Variants in MLXIP observed in about 807,000 individuals in gnomAD.
MLXIP encodes MLX-interacting protein.
A neutral mutation model predicts 87.2 loss-of-function variants in MLXIP; 30 were observed. The observed-to-expected ratio is 0.34, with a 90% CI of 0.26 to 0.47. The LOEUF is 0.47. MLXIP is among the 20% of genes least tolerant of loss of function. The pLI, the probability that MLXIP is intolerant of heterozygous loss-of-function variation, is 1.00. For synonymous variants in MLXIP, 530 were observed against 514.0 expected, an observed-to-expected ratio of 1.03 and a Z score of -0.42; for missense variants, 1,002 against 1,240.1, an observed-to-expected ratio of 0.81 and a Z score of 2.88.
At chr12:122,125,055 A>G (rs958472501) in intron 1 of MLXIP, among the ~76,000 whole-genome samples, 1 of 152,234 alleles carries the variant, frequency 6.6e-6, no homozygotes, top group Admixed American at 6.5e-5. Context: ...AATCCCAGCT[A>G]TACAGGAGGC....
Position 122,141,710 on chromosome 12 carries a change from G to A in MLXIP, c.2658G>A (p.Arg886=). ...TTGCAGTGGTATTGAGCACGCTGCG[G>A]CAGCTGAGCACCTCCACCTCCATCC... The part of the protein sequence containing the change: ...ILRPMVLSTL[R]QLSTSTSILT... The change falls in exon 17 of 17, where the codon CGG becomes CGA. Residue 886 remains arginine (R), a synonymous_variant. Coordinates refer to ENST00000319080, the MANE Select transcript of MLXIP (RefSeq NM_014938.6). 2.5e-6 allele frequency: 4 copies of A among 1,613,850 alleles called. No individual in the cohort carries two copies. Among genetic ancestry groups the A allele is most frequent in the Non-Finnish European group, 3.4e-6 (4 of 1,179,884 alleles).
At chr12:122,126,544 C>A (rs1216743813) in intron 1 of MLXIP, among the ~76,000 whole-genome samples, 1 of 152,128 alleles carries the variant, frequency 6.6e-6, no homozygotes, top group East Asian at 1.9e-4. Context: ...TAGGCCCTGC[C>A]CTGCAGGCAC....
At chr12:122,123,346 G>A (rs1952815644) in intron 1 of MLXIP, among the ~76,000 whole-genome samples, 1 of 152,154 alleles carries the variant, frequency 6.6e-6, no homozygotes. Flanking sequence ...TGGATTTTGA[G>A]TTGGACGCCC....
chr12:122,123,044 C>T (rs2135961426), intron 1 of MLXIP, among the ~76,000 whole-genome samples: 1 of 152,156 alleles, frequency 6.6e-6, no homozygotes, highest in East Asian at 1.9e-4. Flanking sequence ...AAGAAGGGTC[C>T]CCGTGGAGGT....
chr12:122,139,001 G>A (rs771758626), intron 15 of MLXIP, 63 bp downstream of exon 15: 159 of 1,598,780 alleles, frequency 9.9e-5, no homozygotes, highest in Admixed American at 3.1e-4. Context: ...GCCACAGACC[G>A]TGGCACTGTA....
chr12:122,128,031 C>A, intron 3 of MLXIP, 63 bp downstream of exon 3: 1 of 1,418,824 alleles, frequency 7.0e-7, no homozygotes, highest in Non-Finnish European at 9.9e-7. Context: ...CCGGGAGTGG[C>A]TCACCGCGGG....
chr12:122,098,107 CTTTG>C (rs1952383569), intron 1 of MLXIP, among the ~76,000 whole-genome samples: 1 of 152,242 alleles, frequency 6.6e-6, no homozygotes, highest in Non-Finnish European at 1.5e-5. Flanking sequence ...GTTTGCTTAT[CTTTG>C]TTTGTGTGCT....
chr12:122,125,619 C>T (rs1048474706), intron 1 of MLXIP, among the ~76,000 whole-genome samples: 2 of 152,214 alleles, frequency 1.3e-5, no homozygotes, highest in African/African-American at 4.8e-5. Flanking sequence ...GCTGTACCAC[C>T]GGTGAGGCCA....
At chr12:122,093,118 G>A (rs1274560061) in intron 1 of MLXIP, among the ~76,000 whole-genome samples, 1 of 146,310 alleles carries the variant, frequency 6.8e-6, no homozygotes, top group Admixed American at 6.8e-5. Flanking sequence ...TTGGTGTGTG[G>A]GATGTGTGTG....
intron 1 of MLXIP, among the ~76,000 whole-genome samples, chr12:122,112,596 A>G (rs1252324644): frequency 6.6e-6 from 1 of 151,930 alleles, no homozygotes; most frequent in African/African-American, 2.4e-5. Context: ...GCAGTGAGCC[A>G]AGATCGTGCC....
intron 15 of MLXIP, among the ~76,000 whole-genome samples, chr12:122,140,552 C>A (rs903202723): frequency 6.6e-5 from 10 of 152,174 alleles, no homozygotes; most frequent in Non-Finnish European, 1.5e-4. Flanking sequence ...CCTCAGCCCC[C>A]CAAAGTGCTG....
intron 1 of MLXIP, among the ~76,000 whole-genome samples, chr12:122,101,584 C>CTTTTTTTTTTTTTTTTTTTTTTTTT (rs371090324): frequency 8.4e-6 from 1 of 119,020 alleles, no homozygotes; most frequent in African/African-American, 3.2e-5. Context: ...CTTTTTTTTT[C>CTTTTTTTTTTTTTTTTTTTTTTTTT]TTTTTTTTTT....
intron 1 of MLXIP, among the ~76,000 whole-genome samples, chr12:122,095,269 T>A (rs2135916189): frequency 6.6e-6 from 1 of 151,326 alleles, no homozygotes; most frequent in Non-Finnish European, 1.5e-5. Flanking sequence ...CTGTGTGGTG[T>A]GTTGGTGTGT....
chr12:122,113,069 T>C (rs931108755), intron 1 of MLXIP, among the ~76,000 whole-genome samples: 2 of 152,214 alleles, frequency 1.3e-5, no homozygotes, highest in African/African-American at 4.8e-5. Context: ...TATAAATGTA[T>C]GTCTGTGGGG....
intron 1 of MLXIP, among the ~76,000 whole-genome samples, chr12:122,101,973 A>C (rs967732732): frequency 2.6e-5 from 4 of 152,184 alleles, no homozygotes; most frequent in African/African-American, 9.7e-5. Context: ...AAGGGTTGTG[A>C]TTCAGTTAAA....
chr12:122,124,846 C>T (rs542321145), intron 1 of MLXIP, among the ~76,000 whole-genome samples: 125 of 152,072 alleles, frequency 8.2e-4, no homozygotes, highest in Non-Finnish European at 1.4e-3. Context: ...GCCTGACGAA[C>T]GTGGTAAAAC....
chr12:122,082,598 A>G (rs1012722830), intron 1 of MLXIP, among the ~76,000 whole-genome samples: 2 of 152,212 alleles, frequency 1.3e-5, no homozygotes, highest in African/African-American at 4.8e-5. Context: ...TCTGACATTT[A>G]TGAGGAGCCC....
At chr12:122,105,682 G>A (rs975735627) in intron 1 of MLXIP, among the ~76,000 whole-genome samples, 2 of 151,430 alleles carry the variant, frequency 1.3e-5, no homozygotes, top group East Asian at 1.9e-4. Flanking sequence ...TACAAAAGAG[G>A]TATCTCTCAA....
chr12:122,081,015 C>T (rs1401721041), intron 1 of MLXIP, among the ~76,000 whole-genome samples: 2 of 128,916 alleles, frequency 1.6e-5, no homozygotes, highest in Non-Finnish European at 3.4e-5. Flanking sequence ...CTAAATCAGT[C>T]TCCCCTTTGC....
Sources: gnomAD v4.1 joint callset for allele counts (sites outside exome capture counted in the v4.1 genomes callset) on GRCh38, gnomAD v4.1.1 for gene constraint, MANE v1.5 for transcripts, NCBI Gene and HGNC (gene_info 2026-07-23, HGNC 2026-07-21) for gene names.